Variants in PTPRO observed in about 807,000 individuals in gnomAD.
PTPRO encodes receptor-type tyrosine-protein phosphatase O.
In PTPRO, 62 loss-of-function variants were observed where a neutral mutation model predicts 145.2. The ratio of observed to expected loss-of-function variants is 0.43; its 90% CI spans 0.35 to 0.53. The LOEUF is 0.53. Ranked by LOEUF, PTPRO falls within the 20% of genes least tolerant of loss-of-function variation. The pLI is 0.01. For missense variants in PTPRO, 1,345 were observed against 1,482.7 expected (o/e 0.91, Z 1.53); for synonymous variants, 565 against 514.7 (o/e 1.10, Z -1.32).
chr12:15,541,076 A>G (rs750456013), intron 12 of PTPRO, among the ~76,000 whole-genome samples: 1 of 152,206 alleles, frequency 6.6e-6, no homozygotes, highest in Non-Finnish European at 1.5e-5. Flanking sequence ...CCCCTTACCC[A>G]TATACATAGG....
At chr12:15,583,245 G>T (rs904078926) in intron 23 of PTPRO, among the ~76,000 whole-genome samples, 1 of 152,140 alleles carries the variant, frequency 6.6e-6, no homozygotes, top group African/African-American at 2.4e-5. Flanking sequence ...ACTTTGAGAG[G>T]CTGAGGCGAG....
chr12:15,375,989 A>G (rs773989428), intron 1 of PTPRO, among the ~76,000 whole-genome samples: 2 of 152,184 alleles, frequency 1.3e-5, no homozygotes, highest in East Asian at 1.9e-4. Context: ...ACAAATGAAT[A>G]CAGTCTCAGG....
In PTPRO at chr12:15,345,972, C is replaced by A. The variant is rs145567372; in HGVS notation, c.75+23171C>A. 8.1e-3 allele frequency among the ~76,000 whole-genome samples: 1,231 copies of A among 152,036 alleles called. 21 individuals are homozygous for A. Among genetic ancestry groups the A allele is most frequent in the African/African-American group, 0.029 (1,201 of 41,510 alleles). ...GCCTCTCTCATAAGTTTTATAAATT[C>A]TTCCAGTCATTTAGTGTTCAAGAAG... On this transcript the variant is annotated intron_variant, in intron 1 of 26. Transcript: ENST00000281171.
At chr12:15,324,291 C>T (rs149940864) in intron 1 of PTPRO, among the ~76,000 whole-genome samples, 3 of 152,288 alleles carry the variant, frequency 2.0e-5, no homozygotes, top group East Asian at 1.9e-4. Context: ...CCAAACCTAA[C>T]GTTTAGCACA....
At chr12:15,445,635 C>T (rs950970050) in intron 1 of PTPRO, among the ~76,000 whole-genome samples, 2 of 152,096 alleles carry the variant, frequency 1.3e-5, no homozygotes, top group Non-Finnish European at 2.9e-5. Context: ...AGTTAACAAT[C>T]AATCATGTGC....
At chr12:15,433,911 G>A (rs1338987612) in intron 1 of PTPRO, among the ~76,000 whole-genome samples, 3 of 152,122 alleles carry the variant, frequency 2.0e-5, no homozygotes, top group South Asian at 2.1e-4. Context: ...TTGGTAGTTA[G>A]CAGCTTGTTT....
intron 5 of PTPRO, 84 bp from the exon 6 acceptor site, chr12:15,503,822 ATT>A: frequency 1.8e-6 from 2 of 1,128,502 alleles, no homozygotes; most frequent in Non-Finnish European, 2.5e-6. Flanking sequence ...AAAACACCTA[ATT>A]TTTTTTCATT....
intron 1 of PTPRO, among the ~76,000 whole-genome samples, chr12:15,401,919 C>T (rs1272989193): frequency 6.6e-6 from 1 of 152,110 alleles, no homozygotes; most frequent in Non-Finnish European, 1.5e-5. Flanking sequence ...TAGGTCATGC[C>T]TCTTAAACGC....
chr12:15,499,397 G>T (rs779734499), intron 3 of PTPRO, 45 bp from the exon 4 acceptor site: 2 of 1,579,548 alleles, frequency 1.3e-6, no homozygotes, highest in Non-Finnish European at 8.7e-7. Flanking sequence ...AGTGTGTGAT[G>T]TTTAGAAGAC....
At chr12:15,369,089 G>C (rs946868510) in intron 1 of PTPRO, among the ~76,000 whole-genome samples, 1 of 152,144 alleles carries the variant, frequency 6.6e-6, no homozygotes, top group Non-Finnish European at 1.5e-5. Context: ...GAGGGTGTGA[G>C]GGAGACTGCT....
rs767619490 is a variant in PTPRO at position 15,342,225 on chromosome 12, A to G, written c.75+19424A>G. On this transcript the variant is annotated intron_variant, in intron 1 of 26. Transcript: ENST00000281171. Reference sequence around the variant, plus strand: ...TGTGTCTGGAATGACTTAATATATAAAAGTCATAAAAATTTCTGTCTAATG... The same window carrying G: ...TGTGTCTGGAATGACTTAATATATAGAAGTCATAAAAATTTCTGTCTAATG... 2.8e-4 allele frequency among the ~76,000 whole-genome samples: 42 copies of G among 152,190 alleles called. 1 individual carries two copies. The highest frequency in any genetic ancestry group is 5.4e-4 in the Non-Finnish European group (37 of 68,040).
intron 1 of PTPRO, among the ~76,000 whole-genome samples, chr12:15,479,313 G>C (rs1031882931): frequency 6.6e-6 from 1 of 152,182 alleles, no homozygotes; most frequent in Non-Finnish European, 1.5e-5. Context: ...AAGCTCTGGG[G>C]TTAACTGAGG....
chr12:15,412,855 G>A lies in PTPRO; in HGVS notation c.76-71119G>A, dbSNP rs374541106. Among the ~76,000 whole-genome samples the A allele has an allele frequency of 4.7e-4, 71 of 152,158 alleles. 1 individual carries two copies. In the South Asian group the frequency reaches 9.1e-3, roughly 20 times the overall value. ...GTCTCCAAGGCTGGAGTGCAGTGAC[G>A]CAATCTCGTCTCACTACAAACTTCA... On this transcript the variant is annotated intron_variant, in intron 1 of 26. Coordinates refer to ENST00000281171, the MANE Select transcript of PTPRO (RefSeq NM_030667.3).
At chr12:15,376,567 C>G (rs1938693840) in intron 1 of PTPRO, among the ~76,000 whole-genome samples, 1 of 152,098 alleles carries the variant, frequency 6.6e-6, no homozygotes, top group Admixed American at 6.5e-5. Flanking sequence ...ATTCAGAATG[C>G]TATAATAAAA....
In PTPRO at chr12:15,524,113, G is replaced by A. The variant is rs116081893; in HGVS notation, c.1892-701G>A. On this transcript the variant is annotated intron_variant, in intron 10 of 26. Coordinates refer to ENST00000281171, the MANE Select transcript of PTPRO (RefSeq NM_030667.3). Reference sequence around the variant, plus strand: ...AATTTTTAAAAATTTAAATGCATAAGATGATAAAGTAGCAAGCTCAGTGTT... The same window carrying A: ...AATTTTTAAAAATTTAAATGCATAAAATGATAAAGTAGCAAGCTCAGTGTT... 9.0e-3 allele frequency among the ~76,000 whole-genome samples: 1,249 copies of A among 139,438 alleles called. 22 individuals are homozygous for A. Among genetic ancestry groups the A allele is most frequent in the African/African-American group, 0.031 (1,184 of 37,702 alleles). 91.5% of individuals were successfully genotyped at this position (139,438 alleles called of 152,430 possible). A position where few individuals can be genotyped will look rare whatever the true frequency, so the allele number is the denominator to read the frequency against.
chr12:15,440,376 C>T, intron 1 of PTPRO: 2 of 362,392 alleles, frequency 5.5e-6, no homozygotes, highest in Non-Finnish European at 1.0e-5. Context: ...ATGCAGAGGA[C>T]TGAGGCTCCA....
chr12:15,579,912 C>A, intron 20 of PTPRO, 127 bp from the exon 21 acceptor site: 1 of 725,250 alleles, frequency 1.4e-6, no homozygotes, highest in Non-Finnish European at 2.3e-6. Flanking sequence ...GCTAAAATAT[C>A]AGGCTAAAAA....
intron 1 of PTPRO, among the ~76,000 whole-genome samples, chr12:15,359,093 A>G (rs535783606): frequency 6.6e-6 from 1 of 152,322 alleles, no homozygotes; most frequent in East Asian, 1.9e-4. Context: ...CTATGCTGAA[A>G]AGCAAGTTTG....
chr12:15,562,488 T>C (rs939979116), intron 17 of PTPRO, among the ~76,000 whole-genome samples: 2 of 152,184 alleles, frequency 1.3e-5, no homozygotes, highest in African/African-American at 4.8e-5. Context: ...TATGTTCCTG[T>C]TGATTTTCTA....
Sources: gnomAD v4.1 joint callset for allele counts (sites outside exome capture counted in the v4.1 genomes callset) on GRCh38, gnomAD v4.1.1 for gene constraint, MANE v1.5 for transcripts, NCBI Gene and HGNC (gene_info 2026-07-23, HGNC 2026-07-21) for gene names.